The following SNX13 variants were observed in gnomAD, a reference collection of about 807,000 sequenced individuals.
SNX13 encodes the protein sorting nexin 13.
A neutral mutation model predicts 133.6 loss-of-function variants in SNX13; 45 were observed. That is an observed-to-expected ratio of 0.34 (90% confidence interval 0.27 to 0.43). SNX13 has a LOEUF of 0.43. Among genes scored for constraint, SNX13 ranks in the 20% least tolerant of loss-of-function variants. The pLI, the probability that SNX13 is intolerant of heterozygous loss-of-function variation, is 1.00. For missense variants in SNX13, 1,032 were observed against 1,145.1 expected, an observed-to-expected ratio of 0.90 and a Z score of 1.43; for synonymous variants, 414 against 373.9, an observed-to-expected ratio of 1.11 and a Z score of -1.24.
intron 1 of SNX13, among the ~76,000 whole-genome samples, chr7:17,928,556 G>A (rs1226738911): frequency 1.3e-5 from 2 of 152,054 alleles, no homozygotes; most frequent in African/African-American, 4.8e-5. Context: ...TTAAAAGGGA[G>A]GATGGGCAAA....
intron 9 of SNX13, among the ~76,000 whole-genome samples, chr7:17,855,636 C>T (rs748757855): frequency 2.0e-5 from 3 of 152,150 alleles, no homozygotes; most frequent in African/African-American, 4.8e-5. Context: ...GTTTACAACA[C>T]GGTTTACTAA....
chr7:17,891,654 A>G lies in SNX13; in HGVS notation c.229-19T>C, dbSNP rs767052881. On this transcript the variant is annotated intron_variant, in intron 3 of 25. Coordinates refer to ENST00000428135, the MANE Select transcript of SNX13 (RefSeq NM_015132.5). ...CTAAGCACTTAAAGGAAATCAAAATATCTTACTGAGTAGTTTTCTGATGTA... is the reference window on the plus strand; with the variant it reads ...CTAAGCACTTAAAGGAAATCAAAATGTCTTACTGAGTAGTTTTCTGATGTA... 4 of 1,565,694 alleles carry G rather than the reference A, an allele frequency of 2.6e-6. No individual in the cohort carries two copies. In the East Asian group the frequency reaches 9.0e-5, roughly 35 times the overall value.
At chr7:17,857,007 GA>G (rs1432753967) in intron 9 of SNX13, among the ~76,000 whole-genome samples, 1 of 151,542 alleles carries the variant, frequency 6.6e-6, no homozygotes, top group African/African-American at 2.4e-5. Flanking sequence ...GCTAGACTAA[GA>G]AAAAAAGAGG....
intron 20 of SNX13, among the ~76,000 whole-genome samples, chr7:17,807,082 T>C (rs1477327302): frequency 2.7e-5 from 4 of 150,428 alleles, no homozygotes; most frequent in African/African-American, 9.8e-5. Flanking sequence ...ACCCCAGAGG[T>C]GCCTGGAATG....
chr7:17,809,157 C>A (rs1299944416), intron 20 of SNX13, among the ~76,000 whole-genome samples: 2 of 151,918 alleles, frequency 1.3e-5, no homozygotes, highest in African/African-American at 4.8e-5. Flanking sequence ...AAGAGACAGA[C>A]TGGCATTCAG....
intron 20 of SNX13, among the ~76,000 whole-genome samples, chr7:17,806,057 CG>C (rs1562665846): frequency 6.6e-6 from 1 of 152,106 alleles, no homozygotes; most frequent in East Asian, 1.9e-4. Flanking sequence ...CAGGAGATTA[CG>C]GATTGCCAGC....
In SNX13 at chr7:17,794,241, C is replaced by T. The variant is rs776591933; in HGVS notation, c.2678G>A (p.Arg893His). ...GAETTRKGIL[R>H]VFEMFQHNQL... ...GTTGTGCTGAAACATTTCAAAAACA[C>T]GAAGAATACCTTTCCGTGTTGTCTC... The change falls in exon 26 of 26, where the codon CGT becomes CAT. Residue 893 changes from arginine (R) to histidine (H), a missense_variant. Arg to His is a conservative substitution (Grantham distance 29). Transcript: ENST00000428135. 2.0e-5 allele frequency: 33 copies of T among 1,611,394 alleles called. No individual in the cohort carries two copies. The highest frequency in any genetic ancestry group is 1.1e-4 in the East Asian group (5 of 44,804).
chr7:17,887,094 T>C (rs928313116), intron 5 of SNX13, among the ~76,000 whole-genome samples: 1 of 152,128 alleles, frequency 6.6e-6, no homozygotes, highest in Non-Finnish European at 1.5e-5. Context: ...TGCCAGCTTA[T>C]AGAGGCACAG....
Position 17,834,813 on chromosome 7 carries a change from G to C in SNX13, c.1412C>G (p.Thr471Ser), listed in dbSNP as rs902276081. The C allele has an allele frequency of 2.5e-6, 4 of 1,610,084 alleles. No individual in the cohort carries two copies. The highest frequency in any genetic ancestry group is 3.4e-6 in the Non-Finnish European group (4 of 1,177,602). Residue 471 changes from threonine to serine, a missense_variant, in exon 14 of 26, where the codon ACT becomes AGT. Thr to Ser is a moderately conservative substitution (Grantham distance 58). Coordinates refer to ENST00000428135, the MANE Select transcript of SNX13 (RefSeq NM_015132.5). The stretch of plus-strand genomic sequence containing the variant: ...AGGGGTTGGATCTTCATGATTCAAA[G>C]TATCTGCTAATTTTGCTACTAAATA... ...DDYLVAKLAD[T>S]LNHEDPTPEI...
At chr7:17,831,360 G>T in intron 15 of SNX13, 1 of 841,266 alleles carries the variant, frequency 1.2e-6, no homozygotes, top group Non-Finnish European at 1.4e-6. Flanking sequence ...AAGCCTATGA[G>T]ACTGTTTTAA....
intron 8 of SNX13, among the ~76,000 whole-genome samples, chr7:17,870,780 T>C (rs1794001072): frequency 6.6e-6 from 1 of 152,188 alleles, no homozygotes; most frequent in Admixed American, 6.5e-5. Context: ...AGAGTTACAA[T>C]TCATCTGGGA....
intron 9 of SNX13, among the ~76,000 whole-genome samples, chr7:17,867,459 T>A (rs1331569001): frequency 6.6e-6 from 1 of 151,840 alleles, no homozygotes; most frequent in Non-Finnish European, 1.5e-5. Context: ...GTACAAAAAA[T>A]TAGCGGGATG....
chr7:17,886,633 T>A (rs1158817493), intron 5 of SNX13, among the ~76,000 whole-genome samples: 1 of 151,656 alleles, frequency 6.6e-6, no homozygotes, highest in African/African-American at 2.4e-5. Context: ...TAATCTTGGG[T>A]TAAGGGGAAC....
chr7:17,814,797 C>G (rs781022303), intron 20 of SNX13, 37 bp downstream of exon 20: 1 of 1,427,422 alleles, frequency 7.0e-7, no homozygotes, highest in South Asian at 1.5e-5. Context: ...GAAAACAGAC[C>G]TAGAAAGAAA....
chr7:17,825,921 G>T, intron 17 of SNX13, 101 bp downstream of exon 17: 1 of 774,258 alleles, frequency 1.3e-6, no homozygotes, highest in Non-Finnish European at 2.0e-6. Flanking sequence ...ACTATGACTA[G>T]AGAACAAAAA....
At chr7:17,803,707 G>T in intron 20 of SNX13, 127 bp from the exon 21 acceptor site, 1 of 804,684 alleles carries the variant, frequency 1.2e-6, no homozygotes, top group Non-Finnish European at 1.8e-6. Flanking sequence ...ATATTATGTC[G>T]TTACATTTTA....
intron 5 of SNX13, chr7:17,882,979 AG>A (rs748134131): frequency 8.4e-6 from 3 of 358,470 alleles, no homozygotes; most frequent in South Asian, 7.5e-5. Context: ...AAAAACAAAC[AG>A]GGTTCTTAAC....
chr7:17,858,378 C>A (rs1423812774), intron 9 of SNX13, among the ~76,000 whole-genome samples: 1 of 151,610 alleles, frequency 6.6e-6, no homozygotes, highest in South Asian at 2.1e-4. Context: ...AATCAAGAAA[C>A]AAATCACATT....
intron 12 of SNX13, among the ~76,000 whole-genome samples, chr7:17,842,568 T>C (rs1050674829): frequency 1.3e-5 from 2 of 152,014 alleles, no homozygotes; most frequent in Non-Finnish European, 2.9e-5. Context: ...AAAGCTAGTA[T>C]TATTAACAAT....
Sources: allele counts gnomAD v4.1 joint callset (sites outside exome capture counted in the v4.1 genomes callset), GRCh38; gene constraint gnomAD v4.1.1; transcripts MANE v1.5; gene names NCBI Gene and HGNC (gene_info 2026-07-23, HGNC 2026-07-21).